SRGAP3: variants seen among roughly 807,000 people sequenced by gnomAD.
SRGAP3 encodes the protein SLIT-ROBO Rho GTPase-activating protein 3.
Under a neutral mutation model 121.1 loss-of-function variants are expected in SRGAP3, and 39 were observed. The observed-to-expected ratio is 0.32, with a 90% CI of 0.25 to 0.42. The LOEUF is 0.42. Ranked by LOEUF, SRGAP3 falls within the 10% of genes least tolerant of loss-of-function variation. The pLI, the probability that SRGAP3 is intolerant of heterozygous loss-of-function variation, is 1.00. For missense variants in SRGAP3, 1,213 were observed against 1,470.6 expected (o/e 0.82, Z 2.86); for synonymous variants, 601 against 570.0 (o/e 1.05, Z -0.77).
chr3:9,169,027 G>A (rs1051036253), intron 1 of SRGAP3, among the ~76,000 whole-genome samples: 1 of 152,094 alleles, frequency 6.6e-6, no homozygotes, highest in Non-Finnish European at 1.5e-5. Context: ...GTGGACCCTT[G>A]TGCAGTGCAT....
chr3:9,254,953 AAG>A (rs369427141), intron 3 of SRGAP3, among the ~76,000 whole-genome samples: 330 of 151,610 alleles, frequency 2.2e-3, no homozygotes, highest in African/African-American at 7.2e-3. Context: ...GAAAGAAAGA[AAG>A]AGAAAAGAAA....
intron 1 of SRGAP3, among the ~76,000 whole-genome samples, chr3:9,126,886 C>T (rs2124991805): frequency 6.6e-6 from 1 of 152,262 alleles, no homozygotes; most frequent in African/African-American, 2.4e-5. Context: ...ACAATCTATG[C>T]ATGTAACAAA....
chr3:9,283,188 C>T lies in SRGAP3; in HGVS notation n.442+42822G>A, dbSNP rs537014751. On this transcript the variant is annotated intron_variant and non_coding_transcript_variant, in intron 3 of 3. Transcript: ENST00000490889. Reference sequence around the variant, plus strand: ...ACCCCTGACCTCAGGTGATCCACCCCCCCTCGGCCTCCCAAAGTGCTGGGA... The same window carrying T: ...ACCCCTGACCTCAGGTGATCCACCCTCCCTCGGCCTCCCAAAGTGCTGGGA... Among the ~76,000 whole-genome samples, 73 of 152,198 alleles carry T rather than the reference C, an allele frequency of 4.8e-4. No homozygotes were observed. In the South Asian group the frequency reaches 0.013, roughly 28 times the overall value.
At position 9,143,698 on chromosome 3, in the gene SRGAP3, C is replaced by G. The variant is rs528871717; in HGVS notation, c.68-18781G>C. 7.9e-5 allele frequency among the ~76,000 whole-genome samples: 12 copies of G among 152,172 alleles called. No individual in the cohort carries two copies. The South Asian group carries it at 2.5e-3, about 32-fold the overall frequency. On this transcript the variant is annotated intron_variant, in intron 1 of 21. Transcript: ENST00000383836. ...ATGACAAGGTGTGAGCCCACAGCAC[C>G]CTCCCCCATAGGAAGTGTACATGAT...
intron 3 of SRGAP3, among the ~76,000 whole-genome samples, chr3:9,092,617 G>C (rs1947803184): frequency 6.6e-6 from 1 of 152,090 alleles, no homozygotes; most frequent in Non-Finnish European, 1.5e-5. Context: ...GCCTCCACTG[G>C]GAAAGTTAGC....
chr3:9,330,687 A>AGCAGACCCACAGAGACTCCATG (rs1488943798), intron 1 of SRGAP3: 1 of 152,260 alleles, frequency 6.6e-6, no homozygotes, highest in African/African-American at 2.4e-5. Context: ...CCAGAATCAC[A>AGCAGACCCACAGAGACTCCATG]GCAGACCCAC....
At chr3:9,271,070 G>A (rs1007364503) in intron 3 of SRGAP3, among the ~76,000 whole-genome samples, 2 of 152,236 alleles carry the variant, frequency 1.3e-5, no homozygotes, top group East Asian at 1.9e-4. Context: ...CCAGTGGCTC[G>A]TGACTGTAAT....
intron 3 of SRGAP3, among the ~76,000 whole-genome samples, chr3:9,083,441 A>G (rs1487113034): frequency 2.0e-5 from 3 of 152,234 alleles, no homozygotes; most frequent in Non-Finnish European, 4.4e-5. Flanking sequence ...ACAAACATAT[A>G]TTTGCATATC....
intron 1 of SRGAP3, among the ~76,000 whole-genome samples, chr3:9,223,298 T>C (rs988499480): frequency 6.6e-6 from 1 of 152,222 alleles, no homozygotes. Flanking sequence ...CACCTGGTTT[T>C]TACAGGACAT....
At chr3:9,304,902 GAAT>G (rs1415078735) in intron 3 of SRGAP3, among the ~76,000 whole-genome samples, 1 of 152,160 alleles carries the variant, frequency 6.6e-6, no homozygotes, top group African/African-American at 2.4e-5. Context: ...CTCACCTGGG[GAAT>G]AATATCACTA....
In SRGAP3 at chr3:8,994,462, T is replaced by C. The variant is rs202037428; in HGVS notation, c.2289A>G (p.Leu763=). 6.2e-7 allele frequency: 1 copy of C among 1,614,208 alleles called. No individual in the cohort carries two copies. Among genetic ancestry groups the C allele is most frequent in the East Asian group, 2.2e-5 (1 of 44,886 alleles). Residue 763 remains leucine (L), a synonymous_variant, in exon 19 of 22, where the codon CTA becomes CTG. Coordinates refer to ENST00000383836, the MANE Select transcript of SRGAP3 (RefSeq NM_014850.4). ...FDYMGRSPRE[L]SFKKGASLLL... ...GCAGCGAGGCCCCCTTCTTGAAGGATAGCTCACGCGGGGACCGCCCCATGT... is the reference window on the plus strand; with the variant it reads ...GCAGCGAGGCCCCCTTCTTGAAGGACAGCTCACGCGGGGACCGCCCCATGT...
chr3:9,230,096 T>C (rs542833956), intron 1 of SRGAP3, among the ~76,000 whole-genome samples: 1 of 152,286 alleles, frequency 6.6e-6, no homozygotes, highest in African/African-American at 2.4e-5. Context: ...GCTCTTACAG[T>C]TGTGATTTAT....
intron 1 of SRGAP3, among the ~76,000 whole-genome samples, chr3:9,155,005 GT>G (rs56008553): frequency 0.085 from 11,971 of 141,628 alleles, 1,089 homozygotes; most frequent in African/African-American, 0.24. Context: ...TTTGTTTTTT[GT>G]TTTTTTTTTG....
intron 2 of SRGAP3, among the ~76,000 whole-genome samples, chr3:9,114,352 AGTT>A (rs1182423970): frequency 6.6e-6 from 1 of 152,172 alleles, no homozygotes; most frequent in African/African-American, 2.4e-5. Context: ...CACCTCAATA[AGTT>A]GTTGGGAAGA....
At chr3:9,128,625 G>C (rs1054660505) in intron 1 of SRGAP3, among the ~76,000 whole-genome samples, 10 of 152,240 alleles carry the variant, frequency 6.6e-5, no homozygotes, top group Admixed American at 5.2e-4. Flanking sequence ...CAGTGCTTAT[G>C]ATCACCAAAA....
rs1311530404 is a variant in SRGAP3 at position 8,981,617 on chromosome 3, C to T, written c.*3902G>A. Reference sequence around the variant, plus strand: ...AGAGAAATATACCCAACAAGGCACTCCAAGGGACTCCAACAGAGAAGAAAG... The same window carrying T: ...AGAGAAATATACCCAACAAGGCACTTCAAGGGACTCCAACAGAGAAGAAAG... On this transcript the variant is annotated 3_prime_UTR_variant, in exon 22 of 22. Transcript: ENST00000383836. 8.6e-6 allele frequency: 2 copies of T among 232,644 alleles called. No individual in the cohort carries two copies. Among genetic ancestry groups the T allele is most frequent in the Non-Finnish European group, 1.7e-5 (2 of 117,456 alleles). The allele number at this position is 232,644 out of a possible 1,614,324, so 14.4% of individuals were successfully genotyped here. A position where few individuals can be genotyped will look rare whatever the true frequency, so the allele number is the denominator to read the frequency against.
intron 1 of SRGAP3, among the ~76,000 whole-genome samples, chr3:9,213,782 T>C (rs1039818087): frequency 6.6e-6 from 1 of 152,176 alleles, no homozygotes; most frequent in Non-Finnish European, 1.5e-5. Context: ...CTCTGCCTCG[T>C]TCTCAGTTCA....
rs34036997 is a variant in SRGAP3 at position 9,053,138 on chromosome 3, G to A, written c.1212C>T (p.His404=). The A allele has an allele frequency of 2.4e-5, 38 of 1,614,106 alleles. 1 individual carries two copies. Among genetic ancestry groups the A allele is most frequent in the Non-Finnish European group, 3.1e-5 (37 of 1,180,048 alleles). The change falls in exon 9 of 22, where the codon CAC becomes CAT. Residue 404 remains histidine (H), a synonymous_variant. Transcript: ENST00000383836. ...EDFDVSDAFQ[H]SRSTESVKSA... is the part of the protein sequence containing the mutation. ...ACTTGACGGACTCTGTCGATCGACTGTGTTGGAAGGCATCGGAGACATCAA... is the reference window on the plus strand; with the variant it reads ...ACTTGACGGACTCTGTCGATCGACTATGTTGGAAGGCATCGGAGACATCAA...
intron 3 of SRGAP3, among the ~76,000 whole-genome samples, chr3:9,084,596 A>G (rs571799131): frequency 1.1e-4 from 17 of 152,240 alleles, no homozygotes; most frequent in Admixed American, 2.6e-4. Flanking sequence ...TGATCAAGTC[A>G]CTTTCAGCTG....
Sources: gnomAD v4.1 joint callset for allele counts (sites outside exome capture counted in the v4.1 genomes callset) on GRCh38, gnomAD v4.1.1 for gene constraint, MANE v1.5 for transcripts, NCBI Gene and HGNC (gene_info 2026-07-23, HGNC 2026-07-21) for gene names.